The following SLC24A3 variants were observed in gnomAD, a reference collection of about 807,000 sequenced individuals.
The protein encoded by SLC24A3 is sodium/potassium/calcium exchanger 3.
SLC24A3 carries 28 observed loss-of-function variants against 75.8 expected under a neutral mutation model. The observed-to-expected ratio is 0.37, with a 90% CI of 0.27 to 0.51. The LOEUF is 0.51. Among genes scored for constraint, SLC24A3 ranks in the 20% least tolerant of loss-of-function variants. The pLI, the probability that SLC24A3 is intolerant of heterozygous loss-of-function variation, is 0.94. For synonymous variants in SLC24A3, 372 were observed against 334.1 expected (o/e 1.11, Z -1.24); for missense variants, 663 against 847.8 (o/e 0.78, Z 2.71).
intron 2 of SLC24A3, among the ~76,000 whole-genome samples, chr20:19,375,622 T>A (rs1442706091): frequency 2.6e-5 from 4 of 152,212 alleles, no homozygotes; most frequent in Non-Finnish European, 5.9e-5. Flanking sequence ...TCAAACTCCA[T>A]GACAGATGTT....
At chr20:19,515,592 G>C in intron 3 of SLC24A3, 28 bp downstream of exon 3, 1 of 1,612,346 alleles carries the variant, frequency 6.2e-7, no homozygotes, top group Non-Finnish European at 8.5e-7. Flanking sequence ...CCTCTGCCTG[G>C]AGGGTCCATA....
At chr20:19,675,875 G>C (rs1304944969) in intron 9 of SLC24A3, among the ~76,000 whole-genome samples, 1 of 152,106 alleles carries the variant, frequency 6.6e-6, no homozygotes, top group Non-Finnish European at 1.5e-5. Flanking sequence ...TGCCAAAGTG[G>C]GGAAGCCTCA....
chr20:19,358,822 G>T (rs751582222), intron 2 of SLC24A3, among the ~76,000 whole-genome samples: 2 of 152,126 alleles, frequency 1.3e-5, no homozygotes, highest in Non-Finnish European at 2.9e-5. Context: ...TGTTCCTTCT[G>T]TATGGATTAG....
At chr20:19,275,712 G>A (rs1434737326) in intron 1 of SLC24A3, among the ~76,000 whole-genome samples, 1 of 152,138 alleles carries the variant, frequency 6.6e-6, no homozygotes, top group Non-Finnish European at 1.5e-5. Context: ...TGGAAACTTG[G>A]CGTCCAGCCT....
intron 15 of SLC24A3, among the ~76,000 whole-genome samples, chr20:19,704,268 G>T (rs1419479106): frequency 2.6e-5 from 4 of 152,124 alleles, no homozygotes; most frequent in Non-Finnish European, 5.9e-5. Context: ...TGAGAAGAGA[G>T]TAGGGGGGCA....
At chr20:19,580,117 A>T in intron 4 of SLC24A3, 43 bp downstream of exon 4, 1 of 1,554,036 alleles carries the variant, frequency 6.4e-7, no homozygotes, top group Admixed American at 1.7e-5. Context: ...CAGACTGGGG[A>T]CTGGACCTGT....
chr20:19,301,364 G>A (rs767542496), intron 2 of SLC24A3, among the ~76,000 whole-genome samples: 16 of 152,164 alleles, frequency 1.1e-4, no homozygotes, highest in Admixed American at 2.6e-4. Context: ...TCTTAAGACC[G>A]TAAGTTAGTC....
intron 4 of SLC24A3, among the ~76,000 whole-genome samples, chr20:19,581,070 A>G (rs1336408603): frequency 6.6e-6 from 1 of 152,232 alleles, no homozygotes; most frequent in Non-Finnish European, 1.5e-5. Flanking sequence ...TTAGTGTTGG[A>G]TACTTAAATA....
At chr20:19,475,293 C>G (rs992903490) in intron 2 of SLC24A3, among the ~76,000 whole-genome samples, 1 of 151,342 alleles carries the variant, frequency 6.6e-6, no homozygotes, top group Non-Finnish European at 1.5e-5. Context: ...GAGCTGAGAT[C>G]GCGCCACTAC....
At chr20:19,451,438 T>C (rs938527742) in intron 2 of SLC24A3, among the ~76,000 whole-genome samples, 4 of 152,242 alleles carry the variant, frequency 2.6e-5, no homozygotes, top group African/African-American at 9.6e-5. Flanking sequence ...CGTCATCATG[T>C]TGAGCCTCTG....
At chr20:19,213,685 G>A (rs1471964999) in intron 1 of SLC24A3, among the ~76,000 whole-genome samples, 6 of 152,198 alleles carry the variant, frequency 3.9e-5, no homozygotes, top group Non-Finnish European at 7.3e-5. Flanking sequence ...CTCCTCTACC[G>A]GTGCTCTGCG....
At chr20:19,278,461 G>A (rs1216655282) in intron 1 of SLC24A3, among the ~76,000 whole-genome samples, 3 of 152,226 alleles carry the variant, frequency 2.0e-5, no homozygotes, top group Non-Finnish European at 4.4e-5. Context: ...GCCTGAAACA[G>A]AGGGGATGCC....
intron 1 of SLC24A3, among the ~76,000 whole-genome samples, chr20:19,249,867 A>G (rs1982599441): frequency 6.6e-6 from 1 of 152,260 alleles, no homozygotes; most frequent in South Asian, 2.1e-4. Flanking sequence ...TGAAACTTGT[A>G]CAGTGTTACT....
At position 19,654,045 on chromosome 20, in the gene SLC24A3, T is replaced by C; in HGVS notation, c.613-17T>C. 3 of 1,604,994 alleles carry C rather than the reference T, an allele frequency of 1.9e-6. No homozygotes were observed. The highest frequency in any genetic ancestry group is 2.6e-6 in the Non-Finnish European group (3 of 1,171,832). ...ACAGTCTATATCCTGTTTGACTTTG[T>C]TTCCCTTGTCCTGCAGGTTGTGGCT... is the stretch of plus-strand genomic sequence containing the variant. On this transcript the variant is annotated splice_polypyrimidine_tract_variant and intron_variant, in intron 6 of 16. Transcript: ENST00000328041.
chr20:19,669,425 C>T (rs1406742567), intron 8 of SLC24A3, among the ~76,000 whole-genome samples: 1 of 151,996 alleles, frequency 6.6e-6, no homozygotes, highest in Non-Finnish European at 1.5e-5. Flanking sequence ...TAGCTTGAAC[C>T]CTGGCAGCGG....
chr20:19,575,181 G>A (rs1308044586), intron 3 of SLC24A3, among the ~76,000 whole-genome samples: 1 of 148,160 alleles, frequency 6.7e-6, no homozygotes, highest in Non-Finnish European at 1.5e-5. Flanking sequence ...GAGTCTGGTG[G>A]AACAAAGCTG....
At chr20:19,256,098 C>CTAATAA (rs3058400) in intron 1 of SLC24A3, among the ~76,000 whole-genome samples, 18,072 of 149,308 alleles carry the variant, frequency 0.12, 1,230 homozygotes, top group Non-Finnish European at 0.15. Context: ...GACCCTGTCT[C>CTAATAA]TAATAATAAT....
chr20:19,274,148 T>G (rs1027743280), intron 1 of SLC24A3, among the ~76,000 whole-genome samples: 1 of 151,284 alleles, frequency 6.6e-6, no homozygotes, highest in African/African-American at 2.4e-5. Flanking sequence ...GCCTTGACAC[T>G]GGTGAGAAAT....
intron 3 of SLC24A3, among the ~76,000 whole-genome samples, chr20:19,567,993 C>CA (rs112172442): frequency 5.9e-5 from 9 of 151,920 alleles, no homozygotes; most frequent in Admixed American, 1.3e-4. Context: ...GACTTTTCTG[C>CA]AAAAAAATGA....
Sources: allele counts gnomAD v4.1 joint callset (sites outside exome capture counted in the v4.1 genomes callset), GRCh38; gene constraint gnomAD v4.1.1; transcripts MANE v1.5; gene names NCBI Gene and HGNC (gene_info 2026-07-23, HGNC 2026-07-21).